FAR1: variants seen among roughly 807,000 people sequenced by gnomAD.
FAR1 encodes male sterility domain-containing protein 2.
FAR1 carries 22 observed loss-of-function variants against 61.1 expected under a neutral mutation model. That is an observed-to-expected ratio of 0.36 (90% CI 0.26 to 0.51). The LOEUF (loss-of-function observed/expected upper bound fraction) is 0.51, where lower values mean the gene tolerates loss of function less well. Ranked by LOEUF, FAR1 falls within the 20% of genes least tolerant of loss-of-function variation. The pLI is 0.95. For missense variants in FAR1, 359 were observed against 626.9 expected, an observed-to-expected ratio of 0.57 and a Z score of 4.56; for synonymous variants, 206 against 209.7, an observed-to-expected ratio of 0.98 and a Z score of 0.15.
rs1848605139 is a variant in FAR1, at chr11:13,721,012, TCA to T, written c.1128-715_1128-714del. On this transcript the variant is annotated intron_variant, in intron 9 of 11. Transcript: ENST00000354817. This position sits in a 1 kb window ranked among gnomAD's most constrained non-coding sequence, Gnocchi z 4.2. The stretch of plus-strand genomic sequence containing the variant: ...TCCTTGTACTTTTAAAAACAAAGAA[TCA>T]CAGTCTTTCTTTAAAGACACACTTT... The T allele has an allele frequency of 6.6e-6, 1 of 152,118 alleles. No individual in the cohort carries two copies. The highest frequency in any genetic ancestry group is 1.5e-5 in the Non-Finnish European group (1 of 67,968). The allele number at this position is 152,118 out of a possible 1,614,324, so 9.4% of individuals were successfully genotyped here.
intron 3 of FAR1, among the ~76,000 whole-genome samples, chr11:13,706,406 C>G (rs1283437624): frequency 6.6e-6 from 1 of 152,080 alleles, no homozygotes; most frequent in Non-Finnish European, 1.5e-5. Context: ...TCCTTCAAAT[C>G]ATTTGTGTCA....
chr11:13,725,984 T>C (rs1848663790), intron 10 of FAR1, among the ~76,000 whole-genome samples: 1 of 152,062 alleles, frequency 6.6e-6, no homozygotes, highest in Non-Finnish European at 1.5e-5. Context: ...CATCTATATG[T>C]GTTACATAGA....
At chr11:13,689,725 A>G (rs563335346) in intron 1 of FAR1, among the ~76,000 whole-genome samples, 1 of 152,172 alleles carries the variant, frequency 6.6e-6, no homozygotes, top group Non-Finnish European at 1.5e-5. Context: ...CCTAAGTATC[A>G]TATCAACCTG....
intron 9 of FAR1, among the ~76,000 whole-genome samples, chr11:13,716,665 C>G (rs930094045): frequency 2.0e-5 from 3 of 152,142 alleles, no homozygotes; most frequent in African/African-American, 7.2e-5. Context: ...GGCTGCGTTG[C>G]CTTTTCTGAG....
chr11:13,708,434 T>TGC (rs71485207), intron 4 of FAR1, among the ~76,000 whole-genome samples: 7,562 of 134,262 alleles, frequency 0.056, 280 homozygotes, highest in African/African-American at 0.1. Context: ...CATATACATG[T>TGC]GCGCGCGCGC....
In FAR1 at chr11:13,727,251, CTTTT is replaced by C. The variant is rs773194892; in HGVS notation, c.1258-299_1258-296del. Among the ~76,000 whole-genome samples, 28 of 151,224 alleles carry C rather than the reference CTTTT, an allele frequency of 1.9e-4. No homozygotes were observed. In the Middle Eastern group the frequency reaches 0.01, roughly 55 times the overall value. Reference sequence around the variant, plus strand: ...ATCTATGTGGACAATATAATTTTGTCTTTTTTTTTCTTTGTTTAGCAAAATGGTA... The same window carrying C: ...ATCTATGTGGACAATATAATTTTGTCTTTTTCTTTGTTTAGCAAAATGGTA... On this transcript the variant is annotated intron_variant, in intron 10 of 11. Transcript: ENST00000354817.
In FAR1 at chr11:13,721,054, A is replaced by T. The variant is rs1050874719; in HGVS notation, c.1128-676A>T. 8 of 152,060 alleles carry T rather than the reference A, an allele frequency of 5.3e-5. No individual in the cohort carries two copies. Among genetic ancestry groups the T allele is most frequent in the Non-Finnish European group, 1.0e-4 (7 of 67,978 alleles). The allele number at this position is 152,060 out of a possible 1,614,324, so 9.4% of individuals were successfully genotyped here. ...AGACACACTTTAAAAAGAGTGTCAC[A>T]CTCCTTTATTTCTGTAAGGATGAGT... On this transcript the variant is annotated intron_variant, in intron 9 of 11. Transcript: ENST00000354817. The surrounding 1 kb of genome is among the most constrained non-coding windows in gnomAD (Gnocchi z 4.2).
intron 3 of FAR1, among the ~76,000 whole-genome samples, chr11:13,702,372 A>G (rs182863211): frequency 1.1e-4 from 16 of 152,254 alleles, no homozygotes; most frequent in Admixed American, 3.3e-4. Flanking sequence ...TATACAAATG[A>G]CTTTTAAAAA....
intron 1 of FAR1, among the ~76,000 whole-genome samples, chr11:13,678,533 G>C (rs1591254320): frequency 6.6e-6 from 1 of 152,138 alleles, no homozygotes; most frequent in Non-Finnish European, 1.5e-5. Flanking sequence ...CAAAGTGCTG[G>C]GGTTACAGGC....
At chr11:13,700,258 A>G in intron 2 of FAR1, 59 bp from the exon 3 acceptor site, 1 of 1,282,396 alleles carries the variant, frequency 7.8e-7, no homozygotes, top group Non-Finnish European at 1.1e-6. Context: ...AATGGTGATA[A>G]TGAGTTTTAG....
intron 5 of FAR1, chr11:13,711,211 TA>T: frequency 1.1e-5 from 3 of 281,208 alleles, no homozygotes; most frequent in South Asian, 4.4e-5. Flanking sequence ...GATCACAAAG[TA>T]AAAAAGGTAC....
In FAR1 at chr11:13,689,776, C is replaced by T. The variant is rs551972754; in HGVS notation, c.-7-4983C>T. On this transcript the variant is annotated intron_variant, in intron 1 of 11. Coordinates refer to ENST00000354817, the MANE Select transcript of FAR1 (RefSeq NM_032228.6). ...TAAGATGAGAGTTCCAGTTATTGTG[C>T]ACCCTTATTCTGAGGGTCAGTGTAG... 1.2e-4 allele frequency among the ~76,000 whole-genome samples: 19 copies of T among 152,128 alleles called. No individual in the cohort carries two copies. In the South Asian group the frequency reaches 3.7e-3, roughly 30 times the overall value.
In FAR1 at chr11:13,729,617, T is replaced by G. The variant is rs1054885696; in HGVS notation, c.*843T>G. On this transcript the variant is annotated 3_prime_UTR_variant, in exon 12 of 12. Coordinates refer to ENST00000354817, the MANE Select transcript of FAR1 (RefSeq NM_032228.6). Reference sequence around the variant, plus strand: ...TGAAGCAGGAGGATTTCTTGAGATTTGATGGAAGTGGGAGTTGGGAAGGAT... The same window carrying G: ...TGAAGCAGGAGGATTTCTTGAGATTGGATGGAAGTGGGAGTTGGGAAGGAT... 3.3e-5 allele frequency: 5 copies of G among 152,004 alleles called. No individual in the cohort carries two copies. Among genetic ancestry groups the G allele is most frequent in the Admixed American group, 3.3e-4 (5 of 15,244 alleles). 9.4% of individuals were successfully genotyped at this position (152,004 alleles called of 1,614,324 possible).
At position 13,698,173 on chromosome 11, in the gene FAR1, A is replaced by G. The variant is rs528030142; in HGVS notation, c.190-2144A>G. ...TTTACACTTGACATTCAGAAGACTG[A>G]ATTTGTATCTCCAAAACAGTACTTC... On this transcript the variant is annotated intron_variant, in intron 2 of 11. Coordinates refer to ENST00000354817, the MANE Select transcript of FAR1 (RefSeq NM_032228.6). Among the ~76,000 whole-genome samples, 4 of 152,230 alleles carry G rather than the reference A, an allele frequency of 2.6e-5. No homozygotes were observed. In the East Asian group the frequency reaches 7.7e-4, roughly 29 times the overall value.
chr11:13,679,247 G>A (rs549714702), intron 1 of FAR1, among the ~76,000 whole-genome samples: 1 of 152,114 alleles, frequency 6.6e-6, no homozygotes, highest in South Asian at 2.1e-4. Flanking sequence ...AAAGTGTTAG[G>A]ATTAAAATTT....
At chr11:13,728,017 C>T (rs1451698128) in intron 11 of FAR1, among the ~76,000 whole-genome samples, 1 of 151,836 alleles carries the variant, frequency 6.6e-6, no homozygotes, top group Non-Finnish European at 1.5e-5. Flanking sequence ...TCTTTGACTC[C>T]ATATTCGAAC....
In FAR1 at chr11:13,726,224, C is replaced by A. The variant is rs543164000; in HGVS notation, c.1258-1332C>A. On this transcript the variant is annotated intron_variant, in intron 10 of 11. Coordinates refer to ENST00000354817, the MANE Select transcript of FAR1 (RefSeq NM_032228.6). ...ACACAAGCCAGTATTTTTATTGCAG[C>A]TTATGCAATAAATATTCATACAGAT... Among the ~76,000 whole-genome samples, 7 of 152,068 alleles carry A rather than the reference C, an allele frequency of 4.6e-5. No individual in the cohort carries two copies. The South Asian group carries it at 1.5e-3, about 32-fold the overall frequency.
rs138896792 is a variant in FAR1 at position 13,703,781 on chromosome 11, C to T, written c.365+3289C>T. 4.6e-4 allele frequency among the ~76,000 whole-genome samples: 70 copies of T among 152,168 alleles called. No individual in the cohort carries two copies. In the East Asian group the frequency reaches 0.011, roughly 24 times the overall value. On this transcript the variant is annotated intron_variant, in intron 3 of 11. Transcript: ENST00000354817. ...GGGGAGGGCTGGGCGTGGGGGCTCA[C>T]GCCTGTAATCCTAGCACTTTGGGAG... is the stretch of plus-strand genomic sequence containing the variant.
chr11:13,679,328 A>G (rs182298017), intron 1 of FAR1, among the ~76,000 whole-genome samples: 1 of 152,332 alleles, frequency 6.6e-6, no homozygotes, highest in East Asian at 1.9e-4. Context: ...CTAAAAAAAG[A>G]GTCATGTATG....
Sources: allele counts gnomAD v4.1 joint callset (sites outside exome capture counted in the v4.1 genomes callset), GRCh38; gene constraint gnomAD v4.1.1; non-coding constraint Gnocchi (gnomAD v3.1); transcripts MANE v1.5; gene names NCBI Gene and HGNC (gene_info 2026-07-23, HGNC 2026-07-21).